Variants in YEATS2 observed in about 807,000 individuals in gnomAD.
The protein encoded by YEATS2 is YEATS domain-containing protein 2.
Under a neutral mutation model 163.2 loss-of-function variants are expected in YEATS2, and 77 were observed. The observed-to-expected ratio is 0.47, with a 90% CI of 0.39 to 0.57. YEATS2 has a LOEUF of 0.57. Among genes scored for constraint, YEATS2 ranks in the 20% least tolerant of loss-of-function variants. The pLI is 0.00. For synonymous variants in YEATS2, 631 were observed against 645.1 expected, an observed-to-expected ratio of 0.98 and a Z score of 0.33; for missense variants, 1,549 against 1,729.8, an observed-to-expected ratio of 0.90 and a Z score of 1.85.
At chr3:183,786,014 C>CT in intron 19 of YEATS2, 111 bp from the exon 20 acceptor site, 1 of 1,298,912 alleles carries the variant, frequency 7.7e-7, no homozygotes, top group Non-Finnish European at 1.1e-6. Flanking sequence ...ATTGGTAAGA[C>CT]TTTCTTGGTT....
chr3:183,809,255 C>T (rs752568079), intron 30 of YEATS2, 85 bp downstream of exon 30: 21 of 1,364,578 alleles, frequency 1.5e-5, no homozygotes, highest in Admixed American at 5.0e-5. Flanking sequence ...TTTATACTTA[C>T]ATCAATCCAG....
At chr3:183,711,353 G>GTCCC (rs747314972) in intron 1 of YEATS2, among the ~76,000 whole-genome samples, 39 of 151,682 alleles carry the variant, frequency 2.6e-4, no homozygotes, top group Non-Finnish European at 4.6e-4. Context: ...GGCACCTGTA[G>GTCCC]TCCCAGCTAC....
chr3:183,721,465 T>G (rs1055585142), intron 4 of YEATS2, among the ~76,000 whole-genome samples: 1 of 152,218 alleles, frequency 6.6e-6, no homozygotes, highest in South Asian at 2.1e-4. Context: ...TCAAAAATAT[T>G]CTCTATTACA....
At chr3:183,764,415 G>C (rs1721693582) in intron 15 of YEATS2, among the ~76,000 whole-genome samples, 1 of 146,956 alleles carries the variant, frequency 6.8e-6, no homozygotes. Context: ...ATGTTTTTCA[G>C]CTTGAAACCC....
rs183809568 is a variant in YEATS2 at position 183,728,629 on chromosome 3, T to C, written c.651-61T>C. 1.3e-4 allele frequency: 184 copies of C among 1,432,874 alleles called. No individual in the cohort carries two copies. In the African/African-American group the frequency reaches 2.6e-3, roughly 20 times the overall value. 88.8% of individuals were successfully genotyped at this position (1,432,874 alleles called of 1,614,324 possible). ...GTTTTTAAGTTTAAGTAGGACTTAA[T>C]TATTTAGTTAGGTTTTTGAAGGACG... On this transcript the variant is annotated intron_variant, in intron 6 of 30. Transcript: ENST00000305135.
intron 17 of YEATS2, among the ~76,000 whole-genome samples, chr3:183,774,576 GTC>G (rs1722784893): frequency 6.6e-6 from 1 of 152,174 alleles, no homozygotes; most frequent in African/African-American, 2.4e-5. Flanking sequence ...AGGTTTGTAA[GTC>G]TTAAAGCCCC....
At chr3:183,729,980 A>G (rs1178518211) in intron 7 of YEATS2, among the ~76,000 whole-genome samples, 1 of 145,348 alleles carries the variant, frequency 6.9e-6, no homozygotes, top group Admixed American at 7.0e-5. Flanking sequence ...GTGAGTCACC[A>G]TGCCCGGCCT....
chr3:183,702,111 T>G (rs919201150), intron 1 of YEATS2, among the ~76,000 whole-genome samples: 1 of 152,166 alleles, frequency 6.6e-6, no homozygotes, highest in Non-Finnish European at 1.5e-5. Context: ...TTCGAAAGCT[T>G]TTTTTCCCCC....
chr3:183,801,380 C>A, intron 24 of YEATS2, 75 bp from the exon 25 acceptor site: 2 of 1,008,250 alleles, frequency 2.0e-6, no homozygotes, highest in Non-Finnish European at 2.9e-6. Flanking sequence ...CCATTAAGTA[C>A]ATGGCATATA....
chr3:183,785,860 C>T (rs1724015645), intron 19 of YEATS2, among the ~76,000 whole-genome samples: 1 of 152,100 alleles, frequency 6.6e-6, no homozygotes. Context: ...TGACCTGTTA[C>T]CTTTAAAGAT....
chr3:183,809,304 A>T, intron 30 of YEATS2, 134 bp downstream of exon 30: 1 of 861,062 alleles, frequency 1.2e-6, no homozygotes, highest in South Asian at 1.5e-5. Flanking sequence ...TCTTAGAGCC[A>T]GATGAGCTCA....
intron 1 of YEATS2, among the ~76,000 whole-genome samples, chr3:183,712,778 T>TC (rs397875970): frequency 7.4e-6 from 1 of 134,772 alleles, no homozygotes; most frequent in Admixed American, 6.9e-5. Flanking sequence ...TTTTTTTTTT[T>TC]CGAGAGAGTT....
chr3:183,779,878 A>C (rs1723386756), intron 19 of YEATS2, among the ~76,000 whole-genome samples: 1 of 151,140 alleles, frequency 6.6e-6, no homozygotes, highest in Non-Finnish European at 1.5e-5. Context: ...TTGTATTTTT[A>C]CTAGAGACGG....
At chr3:183,796,958 CA>C (rs1725206660) in intron 21 of YEATS2, among the ~76,000 whole-genome samples, 1 of 152,014 alleles carries the variant, frequency 6.6e-6, no homozygotes, top group East Asian at 1.9e-4. Context: ...CGGGCAGGCA[CA>C]GTGGTTCACA....
chr3:183,705,136 A>G (rs1714493401), intron 1 of YEATS2, among the ~76,000 whole-genome samples: 1 of 151,898 alleles, frequency 6.6e-6, no homozygotes, highest in South Asian at 2.1e-4. Flanking sequence ...TGCAGGCTCC[A>G]TCTCCTGGGC....
chr3:183,723,437 A>G (rs527813855), intron 5 of YEATS2, among the ~76,000 whole-genome samples: 1 of 152,340 alleles, frequency 6.6e-6, no homozygotes, highest in South Asian at 2.1e-4. Context: ...TTTTCAGATT[A>G]TAAATTCATA....
chr3:183,737,471 TA>T (rs1328288424), intron 8 of YEATS2, among the ~76,000 whole-genome samples: 1 of 152,220 alleles, frequency 6.6e-6, no homozygotes, highest in African/African-American at 2.4e-5. Context: ...GCATATCCTT[TA>T]AAAAGATGAA....
chr3:183,794,566 G>T (rs1370857295), intron 21 of YEATS2, among the ~76,000 whole-genome samples: 1 of 152,168 alleles, frequency 6.6e-6, no homozygotes, highest in Non-Finnish European at 1.5e-5. Flanking sequence ...TATGGGATGG[G>T]GTTATGTCCC....
chr3:183,790,839 G>C lies in YEATS2; in HGVS notation c.2956G>C (p.Val986Leu), dbSNP rs1191169747. 4 of 1,614,062 alleles carry C rather than the reference G, an allele frequency of 2.5e-6. No individual in the cohort carries two copies. In the African/African-American group the frequency reaches 5.3e-5, roughly 22 times the overall value. ...CGTGTCTTCATCTACGGTCAGTTCT[G>C]TAACGAAAACTTCTGGGCAGCAGCA... ...APVSSSTVSS[V>L]TKTSGQQQVC... Residue 986 changes from valine to leucine, a missense_variant, in exon 21 of 31, where the codon GTA (valine) becomes CTA (leucine). By Grantham distance (32) the Val-to-Leu change is conservative (BLOSUM62 1). Coordinates refer to ENST00000305135, the MANE Select transcript of YEATS2 (RefSeq NM_018023.5).
Sources: gnomAD v4.1 joint callset for allele counts (sites outside exome capture counted in the v4.1 genomes callset) on GRCh38, gnomAD v4.1.1 for gene constraint, MANE v1.5 for transcripts, NCBI Gene and HGNC (gene_info 2026-07-23, HGNC 2026-07-21) for gene names.